The following CRYGN variants were observed in gnomAD, a reference collection of about 807,000 sequenced individuals.
CRYGN encodes the protein gamma-crystallin N.
Under a neutral mutation model 19.2 loss-of-function variants are expected in CRYGN, and 17 were observed. The ratio of observed to expected loss-of-function variants is 0.89; its 90% CI spans 0.61 to 1.33. The LOEUF is 1.33. CRYGN is among the 40% of genes most tolerant of loss of function. The probability of loss-of-function intolerance (pLI) is 0.00; values close to 1 mark genes in which losing one functional copy is unlikely to be tolerated. For missense variants in CRYGN, 239 were observed against 239.6 expected, an observed-to-expected ratio of 1.00 and a Z score of 0.02; for synonymous variants, 84 against 85.8, an observed-to-expected ratio of 0.98 and a Z score of 0.12.
Position 151,431,625 on chromosome 7 carries a change from C to T in CRYGN, c.417-1445G>A, listed in dbSNP as rs893657224. 1.3e-5 allele frequency among the ~76,000 whole-genome samples: 2 copies of T among 152,162 alleles called. No individual in the cohort carries two copies. The highest frequency in any genetic ancestry group is 4.8e-5 in the African/African-American group (2 of 41,436). On this transcript the variant is annotated intron_variant, in intron 3 of 3. Transcript: ENST00000337323. This position sits in a 1 kb window ranked among gnomAD's most constrained non-coding sequence, Gnocchi z 4.8. ...AGAGCCCACCTGTTCAAGCTAAGCCCCCACCCTGACACTCACCACCACTAA... is the reference window on the plus strand; with the variant it reads ...AGAGCCCACCTGTTCAAGCTAAGCCTCCACCCTGACACTCACCACCACTAA...
chr7:151,440,091 A>G lies in CRYGN; in HGVS notation c.-174T>C. ...GGACCCGCCGCGGCCACCCTGTGCC[A>G]CCGCGAGTGCAGCCCGCCCTGCCCG... On this transcript the variant is annotated 5_prime_UTR_variant, in exon 1 of 4. Transcript: ENST00000337323. 1.5e-6 allele frequency: 2 copies of G among 1,359,362 alleles called. No individual in the cohort carries two copies. Among genetic ancestry groups the G allele is most frequent in the Admixed American group, 3.6e-5 (1 of 27,776 alleles). 84.2% of individuals were successfully genotyped at this position (1,359,362 alleles called of 1,614,324 possible). A position where few individuals can be genotyped will look rare whatever the true frequency, so the allele number is the denominator to read the frequency against.
At chr7:151,440,178 C>A, upstream of CRYGN, 1 of 1,175,150 alleles carries the variant, frequency 8.5e-7, no homozygotes, top group Non-Finnish European at 1.1e-6. Context: ...GCCCTCCCGC[C>A]CAGCCCGCGG....
Position 151,437,908 on chromosome 7 carries a change from C to T in CRYGN, c.270+88G>A, listed in dbSNP as rs188797066. The stretch of plus-strand genomic sequence containing the variant: ...AGACTTTAAAGCCGGGAGGACCACG[C>T]TCCCCGATTCCTTGCCACTGTCTGC... On this transcript the variant is annotated intron_variant, in intron 2 of 3. Coordinates refer to ENST00000337323, the MANE Select transcript of CRYGN (RefSeq NM_144727.3). 63 of 1,595,880 alleles carry T rather than the reference C, an allele frequency of 3.9e-5. No individual in the cohort carries two copies. The East Asian group carries it at 7.4e-4, about 19-fold the overall frequency.
At position 151,439,888 on chromosome 7, in the gene CRYGN, C is replaced by A; in HGVS notation, c.21+9G>T. On this transcript the variant is annotated intron_variant, in intron 1 of 3. Transcript: ENST00000337323. Reference sequence around the variant, plus strand: ...ACTCGGTTTCCTTGGGGTTGAGGGACGCACTCACCTTCCCCGAGCGCTGCG... The same window carrying A: ...ACTCGGTTTCCTTGGGGTTGAGGGAAGCACTCACCTTCCCCGAGCGCTGCG... The A allele has an allele frequency of 1.3e-6, 2 of 1,557,270 alleles. No homozygotes were observed. The highest frequency in any genetic ancestry group is 1.7e-6 in the Non-Finnish European group (2 of 1,152,552).
chr7:151,433,953 CACGGG>C lies in CRYGN; in HGVS notation c.416+2222_416+2226del, dbSNP rs2150906898. On this transcript the variant is annotated intron_variant, in intron 3 of 3. Coordinates refer to ENST00000337323, the MANE Select transcript of CRYGN (RefSeq NM_144727.3). This position sits in a 1 kb window ranked among gnomAD's most constrained non-coding sequence, Gnocchi z 5.1. ...ATTTCCCTCCGAGAGCCCACCAGGA[CACGGG>C]TCTGAGGGGATGGGTCATGCCTGGG... Among the ~76,000 whole-genome samples the C allele has an allele frequency of 6.6e-6, 1 of 152,186 alleles. No individual in the cohort carries two copies. Among genetic ancestry groups the C allele is most frequent in the East Asian group, 1.9e-4 (1 of 5,166 alleles).
At chr7:151,434,028 G>A (rs1031026970) in intron 3 of CRYGN, among the ~76,000 whole-genome samples, 4 of 152,266 alleles carry the variant, frequency 2.6e-5, no homozygotes, top group Middle Eastern at 6.8e-3. Context: ...GTGGGAGGTG[G>A]TGGAGGGACC....
rs1192789943 is a variant in CRYGN, at chr7:151,433,807, C to T, written c.416+2373G>A. 6.6e-6 allele frequency among the ~76,000 whole-genome samples: 1 copy of T among 152,206 alleles called. No individual in the cohort carries two copies. The highest frequency in any genetic ancestry group is 6.5e-5 in the Admixed American group (1 of 15,282). ...GCGGGGAACCACCCATCCTGCTGTC[C>T]CCTGTCCTGGCTGTGGCTACTGGGA... On this transcript the variant is annotated intron_variant, in intron 3 of 3. Transcript: ENST00000337323. The surrounding 1 kb of genome is among the most constrained non-coding windows in gnomAD (Gnocchi z 5.1).
chr7:151,436,072 G>A lies in CRYGN; in HGVS notation c.416+108C>T, dbSNP rs1801597039. On this transcript the variant is annotated intron_variant, in intron 3 of 3. Transcript: ENST00000337323. The surrounding 1 kb of genome is among the most constrained non-coding windows in gnomAD (Gnocchi z 5.1). ...AGGGACACGCTGCCCACTGCTGGAG[G>A]TCTCATTCCCACCCCACCCACCACC... 14 of 838,464 alleles carry A rather than the reference G, an allele frequency of 1.7e-5. No homozygotes were observed. The highest frequency in any genetic ancestry group is 2.1e-5 in the Non-Finnish European group (13 of 612,122). 51.9% of individuals were successfully genotyped at this position (838,464 alleles called of 1,614,324 possible). A position where few individuals can be genotyped will look rare whatever the true frequency, so the allele number is the denominator to read the frequency against.
At chr7:151,439,825 C>T in intron 1 of CRYGN, 72 bp downstream of exon 1, 2 of 1,465,620 alleles carry the variant, frequency 1.4e-6, no homozygotes, top group Admixed American at 2.1e-5. Context: ...TGTGCACCCT[C>T]CTGCATCCCC....
intron 3 of CRYGN, chr7:151,432,108 G>C (rs1801483220): frequency 5.7e-6 from 6 of 1,053,542 alleles, no homozygotes; most frequent in Non-Finnish European, 7.3e-6. Flanking sequence ...GGTTGCCCCT[G>C]TCCCCAGAGC....
upstream of CRYGN, chr7:151,440,194 C>CCCACCA: frequency 1.0e-6 from 1 of 958,572 alleles, no homozygotes; most frequent in Non-Finnish European, 1.4e-6. Flanking sequence ...CGCGGCTGCC[C>CCCACCA]CTGCCCTGCC....
chr7:151,433,208 G>C lies in CRYGN; in HGVS notation c.416+2972C>G, dbSNP rs944037490. Among the ~76,000 whole-genome samples the C allele has an allele frequency of 5.3e-5, 8 of 152,214 alleles. No individual in the cohort carries two copies. Among genetic ancestry groups the C allele is most frequent in the Non-Finnish European group, 8.8e-5 (6 of 68,038 alleles). On this transcript the variant is annotated intron_variant, in intron 3 of 3. Transcript: ENST00000337323. This position sits in a 1 kb window ranked among gnomAD's most constrained non-coding sequence, Gnocchi z 5.1. The stretch of plus-strand genomic sequence containing the variant: ...GTCTTTACAGAGCCTGGAGGACCTC[G>C]GGCTGGTGGGGGCAGGAGAGAACAC...
rs772206933 is a variant in CRYGN at position 151,438,089 on chromosome 7, GCC to G, written c.175_176del (p.Gly59ProfsTer21). ...WVCFNHPDFRGQQFILEHGDY... is the reference protein window; with the variant it reads ...WVCFNHPDFRXQQFILEHGDY... ...CGCCGTGCTCCAAGATGAACTGCTGGCCCCGGAAGTCGGGGTGATTGAAGCAG... is the reference window on the plus strand; with the variant it reads ...CGCCGTGCTCCAAGATGAACTGCTGGCCGGAAGTCGGGGTGATTGAAGCAG... On this transcript the variant is annotated frameshift_variant, in exon 2 of 4. Coordinates refer to ENST00000337323, the MANE Select transcript of CRYGN (RefSeq NM_144727.3). LOFTEE classifies it high-confidence loss of function. 530 of 1,614,056 alleles carry G rather than the reference GCC, an allele frequency of 3.3e-4. 1 individual carries two copies. Among genetic ancestry groups the G allele is most frequent in the Non-Finnish European group, 4.3e-4 (512 of 1,180,032 alleles).
rs191495893 is a variant in CRYGN at position 151,437,392 on chromosome 7, G to A, written c.270+604C>T. 3.9e-5 allele frequency among the ~76,000 whole-genome samples: 6 copies of A among 152,312 alleles called. 1 individual carries two copies. Among genetic ancestry groups the A allele is most frequent in the African/African-American group, 1.4e-4 (6 of 41,576 alleles). On this transcript the variant is annotated intron_variant, in intron 2 of 3. Coordinates refer to ENST00000337323, the MANE Select transcript of CRYGN (RefSeq NM_144727.3). ...GTGAGTACCCATGACCTGGGGGAAC[G>A]GCCTTGCTTAAATCCCACCCTAGGA...
In CRYGN at chr7:151,437,997, A is replaced by T. The variant is rs1801660707; in HGVS notation, c.269T>A (p.Met90Lys). ...DHMGSCRPVG[M>K]HGEHFRLEIF... The stretch of plus-strand genomic sequence containing the variant: ...CCTTCGGTGGACGGGCCCACTCACC[A>T]TTCCTACAGGCCGACAGGAGCCCAT... The change falls in exon 2 of 4, where the codon ATG (methionine) becomes AAG (lysine). Residue 90 changes from methionine to lysine, a missense_variant and splice_region_variant. Met to Lys is a moderately conservative substitution (Grantham distance 95). Transcript: ENST00000337323. 5.6e-6 allele frequency: 9 copies of T among 1,612,876 alleles called. No individual in the cohort carries two copies. Among genetic ancestry groups the T allele is most frequent in the Non-Finnish European group, 7.6e-6 (9 of 1,180,012 alleles).
Position 151,439,956 on chromosome 7 carries a change from G to A in CRYGN, c.-39C>T, listed in dbSNP as rs201571806. 2 of 1,508,174 alleles carry A rather than the reference G, an allele frequency of 1.3e-6. No individual in the cohort carries two copies. The highest frequency in any genetic ancestry group is 5.1e-5 in the East Asian group (2 of 39,430). 93.4% of individuals were successfully genotyped at this position (1,508,174 alleles called of 1,614,324 possible). The stretch of plus-strand genomic sequence containing the variant: ...CCTTCCGCGGGTCCCCGTTTACACC[G>A]GGCAGCGCCCTGCTGGCTCAGCGCC... On this transcript the variant is annotated 5_prime_UTR_variant, in exon 1 of 4. Transcript: ENST00000337323.
At chr7:151,437,824 C>T in intron 2 of CRYGN, 172 bp downstream of exon 2, 2 of 1,480,616 alleles carry the variant, frequency 1.4e-6, no homozygotes, top group Non-Finnish European at 1.8e-6. Flanking sequence ...GCAACTTGGC[C>T]CCCCACCTAC....
Position 151,438,079 on chromosome 7 carries a change from T to C in CRYGN, c.187A>G (p.Ile63Val), listed in dbSNP as rs766286582. 32 of 1,613,932 alleles carry C rather than the reference T, an allele frequency of 2.0e-5. No individual in the cohort carries two copies. The East Asian group carries it at 7.1e-4, about 36-fold the overall frequency. ...NHPDFRGQQF[I>V]LEHGDYPDFF... ...TCGGGGTAGTCGCCGTGCTCCAAGA[T>C]GAACTGCTGGCCCCGGAAGTCGGGG... The change falls in exon 2 of 4, where the codon ATC (isoleucine) becomes GTC (valine). Residue 63 changes from isoleucine to valine, a missense_variant. Physicochemically the swap from Ile to Val is conservative, Grantham distance 29. Coordinates refer to ENST00000337323, the MANE Select transcript of CRYGN (RefSeq NM_144727.3).
At chr7:151,437,030 T>C (rs1475870465) in intron 2 of CRYGN, 1 of 152,168 alleles carries the variant, frequency 6.6e-6, no homozygotes, top group Non-Finnish European at 1.5e-5. Context: ...CAAGGATGTT[T>C]TTCATATAAA....
Sources: allele counts gnomAD v4.1 joint callset (sites outside exome capture counted in the v4.1 genomes callset), GRCh38; gene constraint gnomAD v4.1.1; non-coding constraint Gnocchi (gnomAD v3.1); transcripts MANE v1.5; gene names NCBI Gene and HGNC (gene_info 2026-07-23, HGNC 2026-07-21).